The following PPP2R2A variants were observed in gnomAD, a reference collection of about 807,000 sequenced individuals.
PPP2R2A encodes serine/threonine-protein phosphatase 2A 55 kDa regulatory subunit B alpha isoform.
Under a neutral mutation model 53.2 loss-of-function variants are expected in PPP2R2A, and 9 were observed. The ratio of observed to expected loss-of-function variants is 0.17; its 90% CI spans 0.10 to 0.30. PPP2R2A has a LOEUF of 0.30. PPP2R2A is among the 10% of genes least tolerant of loss of function. PPP2R2A has a pLI of 1.00. For synonymous variants in PPP2R2A, 169 were observed against 174.2 expected, an observed-to-expected ratio of 0.97 and a Z score of 0.23; for missense variants, 235 against 534.6, an observed-to-expected ratio of 0.44 and a Z score of 5.53.
chr8:26,296,388 G>A (rs1005254677), intron 2 of PPP2R2A, among the ~76,000 whole-genome samples: 1 of 152,166 alleles, frequency 6.6e-6, no homozygotes, highest in South Asian at 2.1e-4. Flanking sequence ...CTTAAAAGGC[G>A]TTCTATGCTC....
At chr8:26,336,700 G>A (rs377230046) in intron 2 of PPP2R2A, among the ~76,000 whole-genome samples, 5 of 152,128 alleles carry the variant, frequency 3.3e-5, no homozygotes, top group East Asian at 1.9e-4. Context: ...AACATAGTGA[G>A]ACCCTGTCTC....
At chr8:26,346,346 G>A (rs1235289136) in intron 3 of PPP2R2A, among the ~76,000 whole-genome samples, 1 of 152,036 alleles carries the variant, frequency 6.6e-6, no homozygotes, top group Non-Finnish European at 1.5e-5. Flanking sequence ...TTGCCATGCT[G>A]ACCGGGCTGG....
intron 3 of PPP2R2A, among the ~76,000 whole-genome samples, chr8:26,343,701 A>AT (rs1316845059): frequency 6.6e-6 from 1 of 152,334 alleles, no homozygotes; most frequent in Non-Finnish European, 1.5e-5. Flanking sequence ...TGCATAAAAT[A>AT]TTTAAGATTA....
chr8:26,333,765 A>G (rs1803503595), intron 2 of PPP2R2A, among the ~76,000 whole-genome samples: 1 of 152,230 alleles, frequency 6.6e-6, no homozygotes, highest in South Asian at 2.1e-4. Flanking sequence ...GATAGGTGGC[A>G]ATAAGGAAAC....
intron 2 of PPP2R2A, among the ~76,000 whole-genome samples, chr8:26,301,324 T>C (rs1345241818): frequency 4.0e-5 from 6 of 151,318 alleles, no homozygotes; most frequent in Non-Finnish European, 8.8e-5. Context: ...TTTTTTTTCC[T>C]TTTTCTTTTT....
intron 2 of PPP2R2A, among the ~76,000 whole-genome samples, chr8:26,331,992 C>T (rs1585368068): frequency 6.6e-6 from 1 of 152,152 alleles, no homozygotes; most frequent in East Asian, 1.9e-4. Context: ...TTGTCAGCAT[C>T]TTAAGGAATG....
chr8:26,304,840 G>A (rs1801941577), intron 2 of PPP2R2A, among the ~76,000 whole-genome samples: 1 of 152,024 alleles, frequency 6.6e-6, no homozygotes, highest in Non-Finnish European at 1.5e-5. Flanking sequence ...TCTTCTCCTT[G>A]ACATAAAATG....
At chr8:26,317,637 G>A (rs1283963326) in intron 2 of PPP2R2A, among the ~76,000 whole-genome samples, 2 of 152,160 alleles carry the variant, frequency 1.3e-5, no homozygotes, top group East Asian at 3.8e-4. Flanking sequence ...AAAATTAGTA[G>A]CACTTCCCAG....
Position 26,362,420 on chromosome 8 carries a change from G to A in PPP2R2A, c.638-264G>A, listed in dbSNP as rs978620726. 5.9e-5 allele frequency among the ~76,000 whole-genome samples: 9 copies of A among 151,832 alleles called. No homozygotes were observed. The highest frequency in any genetic ancestry group is 2.1e-4 in the South Asian group (1 of 4,810). On this transcript the variant is annotated intron_variant, in intron 6 of 9. Transcript: ENST00000380737. The surrounding 1 kb of genome is among the most constrained non-coding windows in gnomAD (Gnocchi z 4.4). ...TTCTGGAGACTGATGCAGTAGAATC[G>A]CTTGAACCTGGGAGTCGGAGGCTGC...
At chr8:26,304,725 G>A (rs1003363692) in intron 2 of PPP2R2A, among the ~76,000 whole-genome samples, 1 of 152,168 alleles carries the variant, frequency 6.6e-6, no homozygotes, top group Admixed American at 6.5e-5. Flanking sequence ...ACAGGCTATT[G>A]TAGGCAATAA....
chr8:26,323,849 C>T (rs1200810609), intron 2 of PPP2R2A, among the ~76,000 whole-genome samples: 1 of 152,178 alleles, frequency 6.6e-6, no homozygotes, highest in South Asian at 2.1e-4. Flanking sequence ...CCACTCCCTT[C>T]CACTTCTCTG....
At chr8:26,366,017 T>A (rs1805354825) in intron 8 of PPP2R2A, 1 of 262,082 alleles carries the variant, frequency 3.8e-6, no homozygotes, top group African/African-American at 2.2e-5. Context: ...GTCTCTTAAC[T>A]GTGCCATTTT....
chr8:26,312,092 T>C (rs1218759172), intron 2 of PPP2R2A, among the ~76,000 whole-genome samples: 3 of 152,228 alleles, frequency 2.0e-5, no homozygotes, highest in Non-Finnish European at 4.4e-5. Flanking sequence ...TCTGAATCTT[T>C]TATCAGAGTT....
chr8:26,337,751 C>T (rs1009274109), intron 2 of PPP2R2A, among the ~76,000 whole-genome samples: 1 of 152,162 alleles, frequency 6.6e-6, no homozygotes, highest in Non-Finnish European at 1.5e-5. Context: ...TTTATGAGCA[C>T]TTAAATATGT....
At chr8:26,296,874 G>T (rs1801565794) in intron 2 of PPP2R2A, among the ~76,000 whole-genome samples, 1 of 152,092 alleles carries the variant, frequency 6.6e-6, no homozygotes, top group Admixed American at 6.6e-5. Context: ...CAGAATCATC[G>T]GTAGGCTTTT....
Position 26,316,987 on chromosome 8 carries a change from G to T in PPP2R2A, c.83-21903G>T, listed in dbSNP as rs900919134. ...GCAACTAAAATACCAGTTTTCCATT[G>T]GGAAGATGATTTGTCTTGAAACTAA... On this transcript the variant is annotated intron_variant, in intron 2 of 9. Transcript: ENST00000380737. Among the ~76,000 whole-genome samples, 7 of 152,184 alleles carry T rather than the reference G, an allele frequency of 4.6e-5. No individual in the cohort carries two copies. In the South Asian group the frequency reaches 1.4e-3, roughly 31 times the overall value.
At chr8:26,361,269 T>G in intron 6 of PPP2R2A, 118 bp downstream of exon 6, 1 of 925,446 alleles carries the variant, frequency 1.1e-6, no homozygotes, top group South Asian at 2.6e-5. Context: ...CATATATGTA[T>G]GGCACCTTAT....
chr8:26,342,351 A>G (rs1314896336), intron 3 of PPP2R2A, among the ~76,000 whole-genome samples: 1 of 152,208 alleles, frequency 6.6e-6, no homozygotes, highest in African/African-American at 2.4e-5. Flanking sequence ...GATAGGGTAT[A>G]TTCTTTTTGT....
In PPP2R2A at chr8:26,370,583, C is replaced by T; in HGVS notation, c.*170C>T. The T allele has an allele frequency of 1.3e-6, 1 of 763,042 alleles. No homozygotes were observed. The highest frequency in any genetic ancestry group is 2.1e-6 in the Non-Finnish European group (1 of 484,544). 47.3% of individuals were successfully genotyped at this position (763,042 alleles called of 1,614,324 possible). A position where few individuals can be genotyped will look rare whatever the true frequency, so the allele number is the denominator to read the frequency against. ...CTACATGGAGAAAGCTCTGTGGATTCATCACTGTGGTGTTCTCCATGTCTG... is the reference window on the plus strand; with the variant it reads ...CTACATGGAGAAAGCTCTGTGGATTTATCACTGTGGTGTTCTCCATGTCTG... On this transcript the variant is annotated 3_prime_UTR_variant, in exon 10 of 10. Transcript: ENST00000380737. The surrounding 1 kb of genome is among the most constrained non-coding windows in gnomAD (Gnocchi z 6.1).
Sources: allele counts gnomAD v4.1 joint callset (sites outside exome capture counted in the v4.1 genomes callset), GRCh38; gene constraint gnomAD v4.1.1; non-coding constraint Gnocchi (gnomAD v3.1); transcripts MANE v1.5; gene names NCBI Gene and HGNC (gene_info 2026-07-23, HGNC 2026-07-21).